Variants in PLXDC2 observed in about 807,000 individuals in gnomAD.
PLXDC2 encodes the protein plexin domain containing 2, also known as plexin domain-containing protein 2.
A neutral mutation model predicts 68.9 loss-of-function variants in PLXDC2; 40 were observed. The observed-to-expected ratio is 0.58, with a 90% CI of 0.45 to 0.76. The LOEUF is 0.76. Among genes scored for constraint, PLXDC2 ranks in the 30% least tolerant of loss-of-function variants. PLXDC2 has a pLI of 0.00. For synonymous variants in PLXDC2, 243 were observed against 234.2 expected, an observed-to-expected ratio of 1.04 and a Z score of -0.34; for missense variants, 644 against 661.9, an observed-to-expected ratio of 0.97 and a Z score of 0.30.
intron 6 of PLXDC2, among the ~76,000 whole-genome samples, chr10:20,159,493 A>G (rs572612431): frequency 1.3e-5 from 2 of 152,196 alleles, no homozygotes; most frequent in Admixed American, 1.3e-4. Context: ...GAAAACTGTG[A>G]TACCCTCCTA....
At chr10:19,867,451 G>A (rs1265583035) in intron 1 of PLXDC2, among the ~76,000 whole-genome samples, 2 of 152,028 alleles carry the variant, frequency 1.3e-5, no homozygotes, top group East Asian at 3.9e-4. Context: ...ACGTCTCAGG[G>A]ACATAGGTCA....
intron 1 of PLXDC2, among the ~76,000 whole-genome samples, chr10:19,868,838 A>G (rs1320359057): frequency 6.6e-6 from 1 of 152,356 alleles, no homozygotes; most frequent in East Asian, 1.9e-4. Context: ...AATTACCAAG[A>G]TGAAGCATAT....
At chr10:20,267,748 T>C (rs924415578) in intron 13 of PLXDC2, among the ~76,000 whole-genome samples, 7 of 150,050 alleles carry the variant, frequency 4.7e-5, no homozygotes, top group East Asian at 1.9e-4. Context: ...CTGAGTATTA[T>C]ACCATTGACT....
At chr10:20,019,985 A>G (rs1286724580) in intron 2 of PLXDC2, among the ~76,000 whole-genome samples, 1 of 151,962 alleles carries the variant, frequency 6.6e-6, no homozygotes, top group African/African-American at 2.4e-5. Context: ...CTTTTTAAAA[A>G]AGAAAACAAA....
intron 9 of PLXDC2, among the ~76,000 whole-genome samples, chr10:20,204,636 A>G (rs1050848752): frequency 1.4e-4 from 22 of 152,332 alleles, no homozygotes; most frequent in Non-Finnish European, 2.8e-4. Context: ...CTTTGTTTTT[A>G]CATATAGAGC....
chr10:20,176,644 T>C (rs567131210), intron 7 of PLXDC2, among the ~76,000 whole-genome samples: 20 of 152,272 alleles, frequency 1.3e-4, no homozygotes, highest in Non-Finnish European at 2.6e-4. Context: ...AGCTTTAGTA[T>C]GGAAGAAATG....
chr10:20,035,214 G>C (rs1835558556), intron 2 of PLXDC2, among the ~76,000 whole-genome samples: 1 of 152,028 alleles, frequency 6.6e-6, no homozygotes, highest in Non-Finnish European at 1.5e-5. Context: ...TAACTCTATG[G>C]CAAACGACAT....
intron 1 of PLXDC2, among the ~76,000 whole-genome samples, chr10:19,912,589 G>T (rs569844544): frequency 1.6e-4 from 25 of 152,022 alleles, no homozygotes; most frequent in African/African-American, 5.8e-4. Flanking sequence ...AACATCTGTT[G>T]ATACGAGATA....
chr10:19,870,482 G>T (rs188166758), intron 1 of PLXDC2, among the ~76,000 whole-genome samples: 2 of 151,960 alleles, frequency 1.3e-5, no homozygotes, highest in African/African-American at 4.8e-5. Flanking sequence ...TTGGAGTTCA[G>T]TGGCACAATC....
intron 1 of PLXDC2, among the ~76,000 whole-genome samples, chr10:19,859,685 G>A (rs1837283680): frequency 1.3e-5 from 2 of 151,958 alleles, no homozygotes; most frequent in South Asian, 4.2e-4. Flanking sequence ...CAACTCAATG[G>A]ATTTTTAACT....
At chr10:20,177,154 G>A in intron 8 of PLXDC2, 60 bp downstream of exon 8, 1 of 1,411,128 alleles carries the variant, frequency 7.1e-7, no homozygotes, top group Non-Finnish European at 1.0e-6. Context: ...GATCTGATCT[G>A]TTCAATAGTT....
Position 20,098,357 on chromosome 10 carries a change from ATG to A in PLXDC2, c.541+30144_541+30145del, listed in dbSNP as rs35209594. ...CCGTCATTTTCGTGCGTGTGTGTGT[ATG>A]TGTGTGTGTGTGTGTGTGTGTGTGT... On this transcript the variant is annotated intron_variant, in intron 4 of 13. Coordinates refer to ENST00000377252, the MANE Select transcript of PLXDC2 (RefSeq NM_032812.9). Among the ~76,000 whole-genome samples, 315 of 145,360 alleles carry A rather than the reference ATG, an allele frequency of 2.2e-3. 2 individuals are homozygous for A. The highest frequency in any genetic ancestry group is 5.5e-3 in the African/African-American group (213 of 38,868).
chr10:20,158,065 T>TAA (rs566351186), intron 6 of PLXDC2, among the ~76,000 whole-genome samples: 2 of 147,410 alleles, frequency 1.4e-5, no homozygotes, highest in African/African-American at 2.5e-5. Flanking sequence ...CTACATTGTT[T>TAA]AAAAAAAAAA....
In PLXDC2 at chr10:20,058,103, A is replaced by G. The variant is rs996919591; in HGVS notation, c.472-10067A>G. Among the ~76,000 whole-genome samples, 3 of 152,180 alleles carry G rather than the reference A, an allele frequency of 2.0e-5. 1 individual carries two copies. The highest frequency in any genetic ancestry group is 4.1e-4 in the South Asian group (2 of 4,832). ...CAATTGAATTTTGAATTATTTAGTC[A>G]CTTCGCTCATGAACTTTACCCACTG... On this transcript the variant is annotated intron_variant, in intron 3 of 13. Transcript: ENST00000377252.
At chr10:20,276,164 C>T (rs1013689237) in intron 13 of PLXDC2, among the ~76,000 whole-genome samples, 4 of 152,126 alleles carry the variant, frequency 2.6e-5, no homozygotes, top group Non-Finnish European at 5.9e-5. Context: ...TGTTTTCTAT[C>T]TGGGCCTTTA....
chr10:19,817,947 G>T (rs773271499), intron 1 of PLXDC2, among the ~76,000 whole-genome samples: 1 of 152,172 alleles, frequency 6.6e-6, no homozygotes, highest in African/African-American at 2.4e-5. Flanking sequence ...GCAGGTGCGC[G>T]TCCTGCGGGG....
chr10:20,069,776 A>C (rs1423300624), intron 4 of PLXDC2, among the ~76,000 whole-genome samples: 1 of 152,190 alleles, frequency 6.6e-6, no homozygotes, highest in African/African-American at 2.4e-5. Context: ...GGCTGCAGTG[A>C]GCTATGACCA....
chr10:20,250,877 T>A (rs990198763), intron 13 of PLXDC2, among the ~76,000 whole-genome samples: 5 of 152,356 alleles, frequency 3.3e-5, no homozygotes, highest in African/African-American at 1.2e-4. Context: ...TGTCAGTGGC[T>A]GTTATCTGTG....
chr10:20,252,312 A>C (rs1365582948), intron 13 of PLXDC2, among the ~76,000 whole-genome samples: 1 of 152,234 alleles, frequency 6.6e-6, no homozygotes, highest in African/African-American at 2.4e-5. Context: ...TGAGTACAAA[A>C]AATAATGTCA....
Sources: gnomAD v4.1 joint callset for allele counts (sites outside exome capture counted in the v4.1 genomes callset) on GRCh38, gnomAD v4.1.1 for gene constraint, MANE v1.5 for transcripts, NCBI Gene and HGNC (gene_info 2026-07-23, HGNC 2026-07-21) for gene names.